TENM3: variants seen among roughly 807,000 people sequenced by gnomAD.
TENM3 encodes the protein teneurin-3.
A neutral mutation model predicts 255.1 loss-of-function variants in TENM3; 63 were observed. The ratio of observed to expected loss-of-function variants is 0.25; its 90% CI spans 0.20 to 0.30. The LOEUF (loss-of-function observed/expected upper bound fraction) is 0.30, where lower values mean the gene tolerates loss of function less well. Among genes scored for constraint, TENM3 ranks in the 10% least tolerant of loss-of-function variants. The probability of loss-of-function intolerance (pLI) is 1.00; values close to 1 mark genes in which losing one functional copy is unlikely to be tolerated. For missense variants in TENM3, 2,929 were observed against 3,461.1 expected, an observed-to-expected ratio of 0.85 and a Z score of 3.86; for synonymous variants, 1,306 against 1,322.3, an observed-to-expected ratio of 0.99 and a Z score of 0.27.
chr4:182,378,412 A>C (rs1003356827), intron 3 of TENM3, among the ~76,000 whole-genome samples: 2 of 152,328 alleles, frequency 1.3e-5, no homozygotes, highest in Non-Finnish European at 2.9e-5. Flanking sequence ...GGCTTCTGTG[A>C]GAGGGGGTAT....
chr4:182,589,446 ATTT>A lies in TENM3; in HGVS notation c.512-11461_512-11459del, dbSNP rs367629189. Among the ~76,000 whole-genome samples the A allele has an allele frequency of 3.0e-4, 39 of 129,384 alleles. 1 individual carries two copies. Among genetic ancestry groups the A allele is most frequent in the Middle Eastern group, 8.1e-3 (2 of 248 alleles). 84.9% of individuals were successfully genotyped at this position (129,384 alleles called of 152,430 possible). On this transcript the variant is annotated intron_variant, in intron 3 of 27. Coordinates refer to ENST00000511685, the MANE Select transcript of TENM3 (RefSeq NM_001080477.4). ...ATAGTGTCTAATTCTTAGGTTTTTA[ATTT>A]TTTTTTTTTTTTTTTTGGTCCTTAA...
chr4:182,430,866 A>G (rs1406263881), intron 3 of TENM3, among the ~76,000 whole-genome samples: 1 of 149,442 alleles, frequency 6.7e-6, no homozygotes, highest in Non-Finnish European at 1.5e-5. Context: ...ACAAAAATTA[A>G]CTGGGCATGG....
At chr4:182,008,173 A>T in the TENM3 span, among the ~76,000 whole-genome samples, 2 of 151,762 alleles carry the variant, frequency 1.3e-5, no homozygotes, top group Non-Finnish European at 1.5e-5. Flanking sequence ...CTTCATTTCA[A>T]CCTTGGAGAA....
chr4:182,004,943 C>T, the TENM3 span, among the ~76,000 whole-genome samples: 1 of 151,964 alleles, frequency 6.6e-6, no homozygotes, highest in Admixed American at 6.5e-5. Flanking sequence ...AATATGTTTA[C>T]GTTCCTTGTA....
At chr4:182,097,987 A>T in the TENM3 span, among the ~76,000 whole-genome samples, 2 of 152,218 alleles carry the variant, frequency 1.3e-5, no homozygotes, top group Non-Finnish European at 2.9e-5. Context: ...TAGGAAAAAA[A>T]AATCCCAAAG....
chr4:182,443,715 A>G (rs1217431023), intron 3 of TENM3, among the ~76,000 whole-genome samples: 1 of 151,958 alleles, frequency 6.6e-6, no homozygotes, highest in South Asian at 2.1e-4. Flanking sequence ...AAGAGTCCAG[A>G]CCTCATCACA....
chr4:181,467,370 G>A, the TENM3 span, among the ~76,000 whole-genome samples: 1 of 150,702 alleles, frequency 6.6e-6, no homozygotes, highest in African/African-American at 2.5e-5. Flanking sequence ...CCTGACCTCA[G>A]GTGGTCCGCC....
At chr4:182,161,416 A>C (rs1751172809) in intron 1 of TENM3, among the ~76,000 whole-genome samples, 2 of 5,830 alleles carry the variant, frequency 3.4e-4, no homozygotes, top group Non-Finnish European at 5.2e-4. Context: ...ACTCCGTCTC[A>C]AAAAAAAAAA....
intron 1 of TENM3, among the ~76,000 whole-genome samples, chr4:182,229,479 T>C (rs1756407044): frequency 1.3e-5 from 2 of 152,180 alleles, no homozygotes; most frequent in Admixed American, 6.5e-5. Context: ...CACAAGGGAC[T>C]TTGTATTTGT....
At chr4:182,009,756 G>A in the TENM3 span, among the ~76,000 whole-genome samples, 5 of 152,326 alleles carry the variant, frequency 3.3e-5, no homozygotes, top group Admixed American at 2.0e-4. Context: ...CTGGGAGTTC[G>A]GTTGGCTTAA....
the TENM3 span, among the ~76,000 whole-genome samples, chr4:181,841,929 C>T: frequency 6.6e-6 from 1 of 152,246 alleles, no homozygotes; most frequent in African/African-American, 2.4e-5. Context: ...AAACTCAAAT[C>T]AACTCAAAGG....
the TENM3 span, among the ~76,000 whole-genome samples, chr4:181,575,299 CTTG>C: frequency 6.6e-6 from 1 of 152,000 alleles, no homozygotes; most frequent in Non-Finnish European, 1.5e-5. Context: ...CAATTATTTT[CTTG>C]TTTTTTCTAT....
At chr4:181,670,973 C>T in the TENM3 span, among the ~76,000 whole-genome samples, 2 of 152,190 alleles carry the variant, frequency 1.3e-5, no homozygotes, top group South Asian at 4.1e-4. Context: ...TCTTTCAATA[C>T]TTCACCTGTG....
At chr4:181,725,597 C>T in the TENM3 span, among the ~76,000 whole-genome samples, 1 of 151,896 alleles carries the variant, frequency 6.6e-6, no homozygotes, top group East Asian at 1.9e-4. Flanking sequence ...CACCACCACA[C>T]CCAGCTATTT....
chr4:182,316,774 CCA>C (rs1291530208), intron 1 of TENM3, among the ~76,000 whole-genome samples: 1 of 152,134 alleles, frequency 6.6e-6, no homozygotes, highest in Non-Finnish European at 1.5e-5. Flanking sequence ...AATTCTTTCT[CCA>C]AGTGGCTCTC....
chr4:181,759,111 A>G, the TENM3 span, among the ~76,000 whole-genome samples: 1 of 152,148 alleles, frequency 6.6e-6, no homozygotes, highest in Non-Finnish European at 1.5e-5. Context: ...ATTTTCCTTT[A>G]ATGCAGGGCG....
the TENM3 span, among the ~76,000 whole-genome samples, chr4:181,730,529 G>A: frequency 2.0e-5 from 3 of 152,224 alleles, no homozygotes; most frequent in East Asian, 3.9e-4. Context: ...TGTCTATTTT[G>A]GTCTCTTAGA....
At chr4:182,528,078 A>G (rs1739399109) in intron 3 of TENM3, among the ~76,000 whole-genome samples, 1 of 152,128 alleles carries the variant, frequency 6.6e-6, no homozygotes, top group Non-Finnish European at 1.5e-5. Flanking sequence ...TTGTGTTCTT[A>G]TGTTGAAAAT....
chr4:182,708,853 C>G (rs1326283426), intron 12 of TENM3, among the ~76,000 whole-genome samples: 1 of 151,808 alleles, frequency 6.6e-6, no homozygotes, highest in Non-Finnish European at 1.5e-5. Flanking sequence ...TGCCATCTCA[C>G]AGGAAATATG....
Sources: gnomAD v4.1 joint callset for allele counts (sites outside exome capture counted in the v4.1 genomes callset) on GRCh38, gnomAD v4.1.1 for gene constraint, MANE v1.5 for transcripts, NCBI Gene and HGNC (gene_info 2026-07-23, HGNC 2026-07-21) for gene names.